The following ASB8 variants were observed in gnomAD, a reference collection of about 807,000 sequenced individuals.
The protein encoded by ASB8 is ankyrin repeat and SOCS box containing 8.
ASB8 carries 15 observed loss-of-function variants against 22.9 expected under a neutral mutation model. The ratio of observed to expected loss-of-function variants is 0.66; its 90% CI spans 0.44 to 1.01. The LOEUF (loss-of-function observed/expected upper bound fraction) is 1.01. Among genes scored for constraint, ASB8 ranks in the 50% least tolerant of loss-of-function variants. ASB8 has a pLI of 0.00. For missense variants in ASB8, 294 were observed against 356.9 expected, an observed-to-expected ratio of 0.82 and a Z score of 1.42; for synonymous variants, 124 against 140.8, an observed-to-expected ratio of 0.88 and a Z score of 0.84.
chr12:48,150,708 T>A (rs918517472), intron 3 of ASB8, among the ~76,000 whole-genome samples: 22 of 152,142 alleles, frequency 1.4e-4, no homozygotes, highest in African/African-American at 5.3e-4. Context: ...AAAAAAACCC[T>A]GAAACATTTA....
intron 2 of ASB8, 120 bp from the exon 3 acceptor site, chr12:48,151,425 G>A (rs1951201400): frequency 9.4e-6 from 9 of 953,564 alleles, no homozygotes; most frequent in Middle Eastern, 2.4e-4. Flanking sequence ...TAGATACAGT[G>A]CTAGTTCCTG....
intron 1 of ASB8, among the ~76,000 whole-genome samples, chr12:48,155,072 A>G (rs982203898): frequency 6.6e-6 from 1 of 152,252 alleles, no homozygotes; most frequent in African/African-American, 2.4e-5. Context: ...AAATAATGCA[A>G]TATACTTCAA....
In ASB8 at chr12:48,149,794, G is replaced by C; in HGVS notation, c.439C>G (p.Leu147Val). 1 of 1,613,936 alleles carries C rather than the reference G, an allele frequency of 6.2e-7. No homozygotes were observed. Among genetic ancestry groups the C allele is most frequent in the African/African-American group, 1.3e-5 (1 of 75,016 alleles). ...AGCGGTGTATCATTGTTGTAATCCAGGGCATTGACAGAGGCCCCGCTCTCT... is the reference window on the plus strand; with the variant it reads ...AGCGGTGTATCATTGTTGTAATCCACGGCATTGACAGAGGCCCCGCTCTCT... ...LLESGASVNA[L>V]DYNNDTPLSW... is the part of the protein sequence containing the mutation. Residue 147 changes from leucine (L) to valine (V), a missense_variant, in exon 4 of 4, where the codon CTG becomes GTG. Physicochemically the swap from Leu to Val is conservative, Grantham distance 32 (BLOSUM62 1). Transcript: ENST00000317697.
chr12:48,150,767 CTTAAGTACT>C (rs1391272417), intron 3 of ASB8: 2 of 198,008 alleles, frequency 1.0e-5, no homozygotes, highest in Non-Finnish European at 1.0e-5. Context: ...AGTACCACTT[CTTAAGTACT>C]TTAAGTACTT....
intron 3 of ASB8, 31 bp downstream of exon 3, chr12:48,151,170 G>T: frequency 6.6e-7 from 1 of 1,521,716 alleles, no homozygotes; most frequent in Non-Finnish European, 9.1e-7. Context: ...GTTTTAGTGA[G>T]TCATTAATGT....
chr12:48,155,588 G>T (rs1383595966), intron 1 of ASB8, among the ~76,000 whole-genome samples: 1 of 151,206 alleles, frequency 6.6e-6, no homozygotes, highest in East Asian at 2.0e-4. Context: ...GCCAGGCATG[G>T]TGGCATGCAC....
In ASB8 at chr12:48,155,587, G is replaced by A. The variant is rs558670450; in HGVS notation, c.-34+1872C>T. 4.6e-5 allele frequency among the ~76,000 whole-genome samples: 7 copies of A among 151,368 alleles called. No homozygotes were observed. The South Asian group carries it at 1.5e-3, about 32-fold the overall frequency. On this transcript the variant is annotated intron_variant, in intron 1 of 3. Transcript: ENST00000317697. ...AAATACAAAAAAATTAGCCAGGCAT[G>A]GTGGCATGCACCACCCCTGGTAGTC...
intron 2 of ASB8, chr12:48,151,570 C>T: frequency 6.8e-7 from 1 of 1,477,326 alleles, no homozygotes; most frequent in Non-Finnish European, 9.0e-7. Flanking sequence ...GTCACCTGGA[C>T]ATCACTGAAG....
intron 3 of ASB8, 166 bp downstream of exon 3, chr12:48,151,035 T>C (rs1008188918): frequency 9.0e-5 from 57 of 631,616 alleles, no homozygotes; most frequent in Non-Finnish European, 1.1e-4. Flanking sequence ...TCATTTTATA[T>C]ATTTACCATT....
intron 2 of ASB8, chr12:48,151,634 A>G: frequency 2.2e-6 from 3 of 1,385,980 alleles, no homozygotes; most frequent in Non-Finnish European, 2.9e-6. Flanking sequence ...GGAAAGCTGG[A>G]CCAGCAATCC....
At position 48,149,342 on chromosome 12, in the gene ASB8, C is replaced by G. The variant is rs767571264; in HGVS notation, c.*24G>C. 1.9e-6 allele frequency: 3 copies of G among 1,602,202 alleles called. No individual in the cohort carries two copies. Among genetic ancestry groups the G allele is most frequent in the Admixed American group, 1.7e-5 (1 of 59,416 alleles). ...ACAACCTCACCCAGAGCTGCCTGCACGATGGTGCAAACATCTTCTCCGGCT... is the reference window on the plus strand; with the variant it reads ...ACAACCTCACCCAGAGCTGCCTGCAGGATGGTGCAAACATCTTCTCCGGCT... On this transcript the variant is annotated 3_prime_UTR_variant, in exon 4 of 4. Transcript: ENST00000317697.
intron 2 of ASB8, 120 bp from the exon 3 acceptor site, chr12:48,151,425 G>T: frequency 1.0e-6 from 1 of 953,558 alleles, no homozygotes; most frequent in Non-Finnish European, 1.5e-6. Flanking sequence ...TAGATACAGT[G>T]CTAGTTCCTG....
chr12:48,153,731 G>T, intron 1 of ASB8: 1 of 333,466 alleles, frequency 3.0e-6, no homozygotes, highest in Non-Finnish European at 5.5e-6. Context: ...CTCTAACCTA[G>T]TCTAGCACGA....
chr12:48,153,423 G>T lies in ASB8; in HGVS notation c.74C>A (p.Thr25Lys). 6.2e-7 allele frequency: 1 copy of T among 1,613,826 alleles called. No individual in the cohort carries two copies. The highest frequency in any genetic ancestry group is 8.5e-7 in the Non-Finnish European group (1 of 1,179,712). ...KYSLSERLIR[T>K]IAAIRSFPHD... ...TGGGAAGGAACGGATGGCAGCAATTGTTCGGATTAAGCGCTCGGAGAGAGA... is the reference window on the plus strand; with the variant it reads ...TGGGAAGGAACGGATGGCAGCAATTTTTCGGATTAAGCGCTCGGAGAGAGA... Residue 25 changes from threonine (T) to lysine (K), a missense_variant, in exon 2 of 4, where the codon ACA becomes AAA. Thr to Lys is a moderately conservative substitution (Grantham distance 78). Transcript: ENST00000317697.
At chr12:48,155,757 A>ATATATG (rs1275608367) in intron 1 of ASB8, among the ~76,000 whole-genome samples, 4 of 138,084 alleles carry the variant, frequency 2.9e-5, no homozygotes, top group Non-Finnish European at 6.2e-5. Context: ...ATATATATAT[A>ATATATG]TGTATATATA....
chr12:48,151,437 T>G, intron 2 of ASB8, 132 bp from the exon 3 acceptor site: 1 of 965,198 alleles, frequency 1.0e-6, no homozygotes, highest in Non-Finnish European at 1.5e-6. Context: ...TAGTTCCTGT[T>G]TCCTTTTCTA....
intron 3 of ASB8, 108 bp from the exon 4 acceptor site, chr12:48,150,106 G>T: frequency 8.0e-7 from 1 of 1,248,276 alleles, no homozygotes; most frequent in South Asian, 1.2e-5. Flanking sequence ...GCAGTGCTCT[G>T]AACAGGAGGG....
At chr12:48,150,872 C>A (rs528600172) in intron 3 of ASB8, 1 of 454,902 alleles carries the variant, frequency 2.2e-6, no homozygotes, top group East Asian at 3.6e-5. Context: ...GAAGATTAAA[C>A]GGAAATATAA....
rs1951146938 is a variant in ASB8 at position 48,148,836 on chromosome 12, G to C, written c.*530C>G. 6.4e-6 allele frequency: 1 copy of C among 155,578 alleles called. No individual in the cohort carries two copies. The highest frequency in any genetic ancestry group is 1.4e-5 in the Non-Finnish European group (1 of 70,324). The allele number at this position is 155,578 out of a possible 1,614,324, so 9.6% of individuals were successfully genotyped here. ...ATGCCACCATGCCCAGCTAATTTTT[G>C]TATTTTTAGTAGAGACGGGGTTTCA... On this transcript the variant is annotated 3_prime_UTR_variant, in exon 4 of 4. Transcript: ENST00000317697.
Sources: gnomAD v4.1 joint callset for allele counts (sites outside exome capture counted in the v4.1 genomes callset) on GRCh38, gnomAD v4.1.1 for gene constraint, MANE v1.5 for transcripts, NCBI Gene and HGNC (gene_info 2026-07-23, HGNC 2026-07-21) for gene names.